The following SLC47A1 variants were observed in gnomAD, a reference collection of about 807,000 sequenced individuals.
The protein encoded by SLC47A1 is solute carrier family 47 member 1.
A neutral mutation model predicts 65.8 loss-of-function variants in SLC47A1; 58 were observed. The observed-to-expected ratio is 0.88, with a 90% confidence interval of 0.71 to 1.10. The LOEUF is 1.10. Ranked by LOEUF, SLC47A1 falls within the 50% of genes least tolerant of loss-of-function variation. SLC47A1 has a pLI of 0.00. For synonymous variants in SLC47A1, 285 were observed against 295.0 expected, an observed-to-expected ratio of 0.97 and a Z score of 0.35; for missense variants, 706 against 719.2, an observed-to-expected ratio of 0.98 and a Z score of 0.21.
rs1420643237 is a variant in SLC47A1 at position 19,555,849 on chromosome 17, C to G, written c.793C>G (p.Pro265Ala). Reference sequence around the variant, plus strand: ...GGCCTCCTTCCTCCGCCTGGCCATCCCCAGCATGCTCATGCTGTGCATGGA... The same window carrying G: ...GGCCTCCTTCCTCCGCCTGGCCATCGCCAGCATGCTCATGCTGTGCATGGA... ...DWASFLRLAI[P>A]SMLMLCMEWW... is the part of the protein sequence containing the mutation. The change falls in exon 9 of 17, where the codon CCC (proline) becomes GCC (alanine). Residue 265 changes from proline to alanine, a missense_variant. Physicochemically the swap from Pro to Ala is conservative, Grantham distance 27 (BLOSUM62 -1). Coordinates refer to ENST00000270570, the MANE Select transcript of SLC47A1 (RefSeq NM_018242.3). 1 of 1,613,814 alleles carries G rather than the reference C, an allele frequency of 6.2e-7. No individual in the cohort carries two copies. The highest frequency in any genetic ancestry group is 1.7e-5 in the Admixed American group (1 of 60,018).
At chr17:19,555,082 C>T (rs923970778) in intron 6 of SLC47A1, 130 bp from the exon 7 acceptor site, 1 of 772,008 alleles carries the variant, frequency 1.3e-6, no homozygotes, top group South Asian at 1.5e-5. Flanking sequence ...ATGACCTCCC[C>T]AGTTAAGCCC....
intron 6 of SLC47A1, among the ~76,000 whole-genome samples, chr17:19,554,450 G>C (rs1916547076): frequency 6.6e-6 from 1 of 152,222 alleles, no homozygotes. Flanking sequence ...TTACTGAAAT[G>C]ATTTCAAACA....
chr17:19,571,910 C>T (rs2084402665), intron 15 of SLC47A1, among the ~76,000 whole-genome samples: 1 of 152,134 alleles, frequency 6.6e-6, no homozygotes, highest in East Asian at 1.9e-4. Flanking sequence ...TTTTTATGGT[C>T]TCCAAATGTT....
rs2084449331 is a variant in SLC47A1, at chr17:19,577,396, A to G, written c.1556A>G (p.Gln519Arg). The G allele has an allele frequency of 1.9e-6, 3 of 1,614,120 alleles. No individual in the cohort carries two copies. Among genetic ancestry groups the G allele is most frequent in the Admixed American group, 3.3e-5 (2 of 60,002 alleles). ...AAGACAGGCGAGCCTCAGTCAGATC[A>G]GCAGATGCGCCAAGAAGAACCTTTG... The part of the protein sequence containing the change: ...VGKTGEPQSD[Q>R]QMRQEEPLPE... The change falls in exon 17 of 17, where the codon CAG becomes CGG. Residue 519 changes from glutamine to arginine, a missense_variant. Physicochemically the swap from Gln to Arg is conservative, Grantham distance 43 (BLOSUM62 1). Transcript: ENST00000270570.
chr17:19,567,251 A>T lies in SLC47A1; in HGVS notation c.1309+23A>T, dbSNP rs1483460780. Reference sequence around the variant, plus strand: ...TGGGTAAGCTCTAACCTCTGCAGGCAGGGCTTAGCTGCTCACCAGCCCAGG... The same window carrying T: ...TGGGTAAGCTCTAACCTCTGCAGGCTGGGCTTAGCTGCTCACCAGCCCAGG... On this transcript the variant is annotated intron_variant, in intron 14 of 16. Coordinates refer to ENST00000270570, the MANE Select transcript of SLC47A1 (RefSeq NM_018242.3). The T allele has an allele frequency of 4.3e-6, 7 of 1,613,828 alleles. No homozygotes were observed. The Admixed American group carries it at 1.2e-4, about 27-fold the overall frequency.
chr17:19,534,197 G>C lies in SLC47A1; in HGVS notation c.135+123G>C, dbSNP rs1213446251. 5 of 1,280,820 alleles carry C rather than the reference G, an allele frequency of 3.9e-6. No individual in the cohort carries two copies. The African/African-American group carries it at 4.7e-5, about 12-fold the overall frequency. The allele number at this position is 1,280,820 out of a possible 1,614,324, so 79.3% of individuals were successfully genotyped here. ...GCGAGCTGTCCGCCGGCGGGCTCCG[G>C]GGAGCATCGTGCCAGGAGCCGGGCG... On this transcript the variant is annotated intron_variant, in intron 1 of 16. Transcript: ENST00000270570.
chr17:19,577,549 A>G lies in SLC47A1; in HGVS notation c.1709A>G (p.Gln570Arg). Residue 570 changes from glutamine (Q) to arginine (R), a missense_variant, in exon 17 of 17, where the codon CAG becomes CGG. Transcript: ENST00000270570. Reference sequence around the variant, plus strand: ...TTAGTGAGATTCTATGTCAGAATTCAGTGACGTGGTAGGAAAGAAAGTCAG... The same window carrying G: ...TTAGTGAGATTCTATGTCAGAATTCGGTGACGTGGTAGGAAAGAAAGTCAG... ...GILVRFYVRIQ is the reference protein window; with the variant it reads ...GILVRFYVRIR 1 of 1,614,072 alleles carries G rather than the reference A, an allele frequency of 6.2e-7. No homozygotes were observed. Among genetic ancestry groups the G allele is most frequent in the South Asian group, 1.1e-5 (1 of 91,078 alleles).
chr17:19,556,172 A>G, intron 10 of SLC47A1, 110 bp downstream of exon 10: 1 of 1,299,352 alleles, frequency 7.7e-7, no homozygotes, highest in East Asian at 2.4e-5. Context: ...TTGTGAAATG[A>G]TGGACAAAAG....
At chr17:19,538,041 C>T (rs762434051) in intron 1 of SLC47A1, among the ~76,000 whole-genome samples, 12 of 152,244 alleles carry the variant, frequency 7.9e-5, no homozygotes, top group Non-Finnish European at 1.6e-4. Flanking sequence ...GAACATCTTT[C>T]CCTATTCCAC....
Position 19,577,406 on chromosome 17 carries a change from C to T in SLC47A1, c.1566C>T (p.Arg522=), listed in dbSNP as rs2084449479. ...TGEPQSDQQM[R]QEEPLPEHPQ... ...AGCCTCAGTCAGATCAGCAGATGCG[C>T]CAAGAAGAACCTTTGCCGGAACATC... is the stretch of plus-strand genomic sequence containing the variant. The change falls in exon 17 of 17, where the codon CGC becomes CGT. Residue 522 remains arginine (R), a synonymous_variant. Coordinates refer to ENST00000270570, the MANE Select transcript of SLC47A1 (RefSeq NM_018242.3). 3 of 1,614,060 alleles carry T rather than the reference C, an allele frequency of 1.9e-6. No homozygotes were observed. Among genetic ancestry groups the T allele is most frequent in the Non-Finnish European group, 2.5e-6 (3 of 1,180,052 alleles).
chr17:19,567,727 C>T (rs2084371079), intron 14 of SLC47A1: 2 of 158,278 alleles, frequency 1.3e-5, no homozygotes, highest in African/African-American at 2.4e-5. Context: ...TAGAGCAGTG[C>T]CCCATGTGCT....
chr17:19,551,584 C>T (rs1916449091), intron 6 of SLC47A1, 116 bp downstream of exon 6: 1 of 829,886 alleles, frequency 1.2e-6, no homozygotes, highest in Non-Finnish European at 2.0e-6. Context: ...GAGCTCACTG[C>T]TGGGAGCCAC....
At chr17:19,552,292 C>T (rs574857970) in intron 6 of SLC47A1, among the ~76,000 whole-genome samples, 1 of 152,322 alleles carries the variant, frequency 6.6e-6, no homozygotes, top group South Asian at 2.1e-4. Flanking sequence ...ATCCTCCTGC[C>T]TCAGTCTCCA....
intron 12 of SLC47A1, among the ~76,000 whole-genome samples, chr17:19,562,009 C>T (rs1018352711): frequency 1.3e-5 from 2 of 152,138 alleles, no homozygotes; most frequent in Non-Finnish European, 2.9e-5. Flanking sequence ...TGGATAAGTC[C>T]CCTCTGCTCT....
intron 6 of SLC47A1, among the ~76,000 whole-genome samples, chr17:19,552,464 G>C (rs911868232): frequency 1.3e-5 from 2 of 152,222 alleles, no homozygotes; most frequent in African/African-American, 4.8e-5. Context: ...GCTTTGGGCT[G>C]TCTCCTTTTG....
intron 12 of SLC47A1, among the ~76,000 whole-genome samples, chr17:19,563,160 C>A (rs1468636806): frequency 7.9e-6 from 1 of 126,408 alleles, no homozygotes; most frequent in East Asian, 2.7e-4. Context: ...TTTGACGGAG[C>A]CTCCCTCTGT....
intron 14 of SLC47A1, among the ~76,000 whole-genome samples, chr17:19,568,745 CTT>C (rs2084378044): frequency 6.6e-6 from 1 of 152,126 alleles, no homozygotes; most frequent in Non-Finnish European, 1.5e-5. Context: ...GATCTCAAAA[CTT>C]ATTCTTCCTG....
At chr17:19,567,057 C>T (rs746231603) in intron 13 of SLC47A1, 39 bp from the exon 14 acceptor site, 6 of 1,613,734 alleles carry the variant, frequency 3.7e-6, no homozygotes, top group Admixed American at 1.7e-5. Flanking sequence ...TCAAGAGCGC[C>T]GGATGTGTTC....
At chr17:19,547,716 C>CTTTTTTT (rs1180263887) in intron 3 of SLC47A1, among the ~76,000 whole-genome samples, 3 of 68,588 alleles carry the variant, frequency 4.4e-5, no homozygotes, top group Admixed American at 2.2e-4. Context: ...CCATGGGCTT[C>CTTTTTTT]TTTTTTTTTT....
Sources: allele counts gnomAD v4.1 joint callset (sites outside exome capture counted in the v4.1 genomes callset), GRCh38; gene constraint gnomAD v4.1.1; transcripts MANE v1.5; gene names NCBI Gene and HGNC (gene_info 2026-07-23, HGNC 2026-07-21).